XKR9: variants seen among roughly 807,000 people sequenced by gnomAD.
The protein encoded by XKR9 is XK-related protein 9.
A neutral mutation model predicts 32.0 loss-of-function variants in XKR9; 32 were observed. The observed-to-expected ratio is 1.00, with a 90% CI of 0.76 to 1.34. XKR9 has a LOEUF of 1.34. XKR9 is among the 40% of genes most tolerant of loss of function. XKR9 has a pLI of 0.00. For missense variants in XKR9, 546 were observed against 429.7 expected (o/e 1.27, Z -2.39); for synonymous variants, 168 against 143.4 (o/e 1.17, Z -1.22).
At chr8:71,038,246 T>G in the XKR9 span, among the ~76,000 whole-genome samples, 1 of 152,182 alleles carries the variant, frequency 6.6e-6, no homozygotes, top group South Asian at 2.1e-4. Context: ...TTTTTCTTTC[T>G]TTCTCTTTCT....
At chr8:71,031,076 T>C in the XKR9 span, among the ~76,000 whole-genome samples, 30 of 152,302 alleles carry the variant, frequency 2.0e-4, no homozygotes, top group African/African-American at 7.2e-4. Flanking sequence ...AACTAAACTG[T>C]TAATTCTCAA....
At chr8:70,822,288 T>C in the XKR9 span, among the ~76,000 whole-genome samples, 6 of 152,090 alleles carry the variant, frequency 3.9e-5, no homozygotes, top group Non-Finnish European at 8.8e-5. Context: ...ATGTTTCTGG[T>C]CTTAAAATTC....
At chr8:70,884,051 G>T in the XKR9 span, among the ~76,000 whole-genome samples, 1 of 152,140 alleles carries the variant, frequency 6.6e-6, no homozygotes, top group Non-Finnish European at 1.5e-5. Flanking sequence ...AGCATTTGGT[G>T]TTGTCAGTGT....
the XKR9 span, among the ~76,000 whole-genome samples, chr8:71,031,522 A>T: frequency 6.6e-6 from 1 of 152,202 alleles, no homozygotes; most frequent in Non-Finnish European, 1.5e-5. Context: ...GGTGAGGATA[A>T]CTCATAAGAC....
the XKR9 span, among the ~76,000 whole-genome samples, chr8:71,026,008 C>G: frequency 2.0e-5 from 3 of 152,182 alleles, no homozygotes; most frequent in Non-Finnish European, 2.9e-5. Flanking sequence ...ATCTCCTCTC[C>G]TCATCCTCTG....
the XKR9 span, among the ~76,000 whole-genome samples, chr8:70,828,130 A>G: frequency 1.3e-4 from 20 of 152,222 alleles, no homozygotes; most frequent in African/African-American, 4.8e-4. Flanking sequence ...GTTTTGTTTC[A>G]ACTTGGCTGC....
chr8:70,896,647 G>T, the XKR9 span, among the ~76,000 whole-genome samples: 2 of 149,212 alleles, frequency 1.3e-5, no homozygotes. Context: ...TCATTGTTTT[G>T]TTTAAAAAAT....
the XKR9 span, among the ~76,000 whole-genome samples, chr8:70,894,682 A>T: frequency 6.6e-6 from 1 of 152,046 alleles, no homozygotes; most frequent in Non-Finnish European, 1.5e-5. Flanking sequence ...ACCATTTCTT[A>T]GGATGCAGGG....
the XKR9 span, among the ~76,000 whole-genome samples, chr8:71,036,850 G>C: frequency 6.7e-6 from 1 of 148,628 alleles, no homozygotes; most frequent in African/African-American, 2.5e-5. Flanking sequence ...ATTTTCTCCA[G>C]CTGTTGGATG....
chr8:70,698,875 T>C (rs1430466994), intron 3 of XKR9, among the ~76,000 whole-genome samples: 1 of 152,194 alleles, frequency 6.6e-6, no homozygotes, highest in Non-Finnish European at 1.5e-5. Flanking sequence ...GCTCCTGTAT[T>C]GGGTGCATAT....
the XKR9 span, among the ~76,000 whole-genome samples, chr8:70,917,551 T>G: frequency 6.6e-6 from 1 of 152,224 alleles, no homozygotes; most frequent in African/African-American, 2.4e-5. Flanking sequence ...GGCTTAATGA[T>G]GGGCTTATCA....
chr8:70,673,119 G>A (rs1818771502), intron 1 of XKR9, among the ~76,000 whole-genome samples: 1 of 152,124 alleles, frequency 6.6e-6, no homozygotes, highest in African/African-American at 2.4e-5. Flanking sequence ...TGAGGTCTTA[G>A]CTACAAAATC....
chr8:70,895,378 G>T, the XKR9 span, among the ~76,000 whole-genome samples: 1 of 152,094 alleles, frequency 6.6e-6, no homozygotes, highest in South Asian at 2.1e-4. Flanking sequence ...GGATGTCTTT[G>T]TGAGGGGAAT....
the XKR9 span, among the ~76,000 whole-genome samples, chr8:70,809,342 G>A: frequency 1.3e-5 from 2 of 152,094 alleles, no homozygotes; most frequent in East Asian, 1.9e-4. Context: ...ACAAACATGG[G>A]AAAAAAACAG....
At chr8:71,052,502 T>G in the XKR9 span, among the ~76,000 whole-genome samples, 2 of 152,190 alleles carry the variant, frequency 1.3e-5, no homozygotes, top group East Asian at 3.9e-4. Context: ...ATTATTTTCC[T>G]CCAGGGTAAC....
chr8:70,967,062 A>C, the XKR9 span, among the ~76,000 whole-genome samples: 46 of 63,358 alleles, frequency 7.3e-4, 1 homozygote, highest in African/African-American at 2.5e-3. Context: ...ATGGATCTTG[A>C]CTCTTTTTTT....
the XKR9 span, among the ~76,000 whole-genome samples, chr8:70,800,590 A>G: frequency 5.3e-5 from 8 of 152,076 alleles, no homozygotes; most frequent in Non-Finnish European, 1.0e-4. Flanking sequence ...GGCTCAAGTG[A>G]TTCTATTGCC....
At chr8:70,766,834 TTC>T (rs1201276329) in intron 2 of XKR9, among the ~76,000 whole-genome samples, 1 of 152,214 alleles carries the variant, frequency 6.6e-6, no homozygotes, top group East Asian at 1.9e-4. Flanking sequence ...TGAAGGCCTT[TTC>T]TACATCAATT....
chr8:70,790,791 T>C (rs980995227), downstream of XKR9, among the ~76,000 whole-genome samples: 3 of 152,048 alleles, frequency 2.0e-5, no homozygotes, highest in Admixed American at 2.0e-4. Flanking sequence ...ATACCATAAA[T>C]TGGGTGGCTT....
Sources: gnomAD v4.1 joint callset for allele counts (sites outside exome capture counted in the v4.1 genomes callset) on GRCh38, gnomAD v4.1.1 for gene constraint, MANE v1.5 for transcripts, NCBI Gene and HGNC (gene_info 2026-07-23, HGNC 2026-07-21) for gene names.